The following SLIT2 variants were observed in gnomAD, a reference collection of about 807,000 sequenced individuals.
SLIT2 encodes slit guidance ligand 2.
Under a neutral mutation model 185.7 loss-of-function variants are expected in SLIT2, and 41 were observed. The observed-to-expected ratio is 0.22, with a 90% CI of 0.17 to 0.29. The LOEUF is 0.29. Among genes scored for constraint, SLIT2 ranks in the 10% least tolerant of loss-of-function variants. The pLI is 1.00. For missense variants in SLIT2, 1,571 were observed against 1,909.0 expected (o/e 0.82, Z 3.30); for synonymous variants, 693 against 680.2 (o/e 1.02, Z -0.29).
At chr4:20,511,287 C>T (rs2148826010) in intron 11 of SLIT2, 150 bp downstream of exon 11, 1 of 523,678 alleles carries the variant, frequency 1.9e-6, no homozygotes, top group East Asian at 2.9e-5. Context: ...ACTTCTGGGT[C>T]CCATTATTTT....
At chr4:20,340,816 T>C (rs2109230954) in intron 4 of SLIT2, among the ~76,000 whole-genome samples, 1 of 152,286 alleles carries the variant, frequency 6.6e-6, no homozygotes, top group African/African-American at 2.4e-5. Context: ...TTAGCCAGGA[T>C]GGTCTTGATC....
intron 21 of SLIT2, among the ~76,000 whole-genome samples, chr4:20,543,139 TA>T (rs1160779267): frequency 2.0e-5 from 3 of 151,864 alleles, no homozygotes; most frequent in Admixed American, 1.3e-4. Flanking sequence ...AACTATCTGG[TA>T]TATGGAAGAA....
chr4:20,437,326 G>A, intron 4 of SLIT2, among the ~76,000 whole-genome samples: 1 of 152,092 alleles, frequency 6.6e-6, no homozygotes, highest in Non-Finnish European at 1.5e-5. Flanking sequence ...CAAAAAACTA[G>A]GAGTCAGGTC....
At chr4:20,332,203 C>T (rs1462213275) in intron 4 of SLIT2, among the ~76,000 whole-genome samples, 7 of 152,178 alleles carry the variant, frequency 4.6e-5, no homozygotes, top group Non-Finnish European at 7.4e-5. Context: ...TGTACACACA[C>T]ATACACACAC....
rs1413529212 is a variant in SLIT2, at chr4:20,472,505, T to TAG, written c.467+4683_467+4684insGA. On this transcript the variant is annotated intron_variant, in intron 5 of 36. Coordinates refer to ENST00000504154, the MANE Select transcript of SLIT2 (RefSeq NM_004787.4). ...ATATCTATATATAGATATATATCTA[T>TAG]ATATAGATAGATATATATCTATATA... Among the ~76,000 whole-genome samples the TAG allele has an allele frequency of 7.1e-5, 2 of 28,120 alleles. 1 individual carries two copies. The highest frequency in any genetic ancestry group is 1.0e-4 in the Non-Finnish European group (2 of 19,182). The allele number at this position is 28,120 out of a possible 152,430, so 18.4% of individuals were successfully genotyped here.
At chr4:20,521,741 G>A (rs900332924) in intron 12 of SLIT2, among the ~76,000 whole-genome samples, 1 of 152,022 alleles carries the variant, frequency 6.6e-6, no homozygotes, top group African/African-American at 2.4e-5. Flanking sequence ...GAATCAAAGA[G>A]CACAGCCAAT....
intron 33 of SLIT2, among the ~76,000 whole-genome samples, chr4:20,599,042 G>T (rs539550043): frequency 6.6e-6 from 1 of 152,112 alleles, no homozygotes; most frequent in African/African-American, 2.4e-5. Flanking sequence ...TACCTCAGAG[G>T]TTTATTGAGC....
intron 5 of SLIT2, among the ~76,000 whole-genome samples, chr4:20,474,335 G>A (rs1715874525): frequency 6.6e-6 from 1 of 151,972 alleles, no homozygotes; most frequent in Non-Finnish European, 1.5e-5. Context: ...TCTGTATTTT[G>A]CTTGGTTGCA....
Position 20,523,844 on chromosome 4 carries a change from C to T in SLIT2, c.1215C>T (p.Asp405=). Residue 405 remains aspartate, a synonymous_variant, in exon 13 of 37, where the codon GAC becomes GAT. Transcript: ENST00000504154. ...ACTTGAACCTTCTCTCCCTATATGA[C>T]AACAAGCTTCAGACCATCGCCAAGG... The part of the protein sequence containing the change: ...LHNLNLLSLY[D]NKLQTIAKGT... 6.2e-7 allele frequency: 1 copy of T among 1,613,980 alleles called. No individual in the cohort carries two copies. Among genetic ancestry groups the T allele is most frequent in the African/African-American group, 1.3e-5 (1 of 75,060 alleles).
intron 18 of SLIT2, among the ~76,000 whole-genome samples, chr4:20,538,827 C>T (rs1286257781): frequency 1.2e-4 from 17 of 144,848 alleles, no homozygotes; most frequent in Non-Finnish European, 1.5e-5. Flanking sequence ...CCTTTTAAAA[C>T]TTTATTGTGG....
chr4:20,590,062 C>T (rs1024789148), intron 30 of SLIT2, among the ~76,000 whole-genome samples: 6 of 151,876 alleles, frequency 4.0e-5, no homozygotes, highest in Admixed American at 2.6e-4. Flanking sequence ...CCCGCCACCA[C>T]GCCTGGCTAA....
In SLIT2 at chr4:20,486,303, T is replaced by A. The variant is rs551674265; in HGVS notation, c.611+32T>A. The A allele has an allele frequency of 1.2e-4, 143 of 1,207,014 alleles. 1 individual carries two copies. The South Asian group carries it at 1.6e-3, about 14-fold the overall frequency. The allele number at this position is 1,207,014 out of a possible 1,614,324, so 74.8% of individuals were successfully genotyped here. A position where few individuals can be genotyped will look rare whatever the true frequency, so the allele number is the denominator to read the frequency against. On this transcript the variant is annotated intron_variant, in intron 7 of 36. Coordinates refer to ENST00000504154, the MANE Select transcript of SLIT2 (RefSeq NM_004787.4). ...AGTCACAATATATGTAAAAGTCATATTAATCAATTAAAGCTTCCCCTTAAA... is the reference window on the plus strand; with the variant it reads ...AGTCACAATATATGTAAAAGTCATAATAATCAATTAAAGCTTCCCCTTAAA...
intron 8 of SLIT2, among the ~76,000 whole-genome samples, chr4:20,490,161 C>G (rs1717649536): frequency 6.6e-6 from 1 of 152,118 alleles, no homozygotes; most frequent in African/African-American, 2.4e-5. Flanking sequence ...CAATCAATAG[C>G]TAACGTTTAC....
chr4:20,363,307 C>CA (rs1283565993), intron 4 of SLIT2, among the ~76,000 whole-genome samples: 2 of 151,936 alleles, frequency 1.3e-5, no homozygotes, highest in Non-Finnish European at 2.9e-5. Flanking sequence ...ATTTTGAAAA[C>CA]AAAATACAAA....
At chr4:20,470,528 GTGTGTA>G (rs1290243911) in intron 5 of SLIT2, among the ~76,000 whole-genome samples, 3 of 131,914 alleles carry the variant, frequency 2.3e-5, no homozygotes, top group Non-Finnish European at 5.1e-5. Context: ...GTGTGTGTGT[GTGTGTA>G]ATGTAAGGGA....
chr4:20,336,924 T>C (rs1720554012), intron 4 of SLIT2, among the ~76,000 whole-genome samples: 1 of 152,216 alleles, frequency 6.6e-6, no homozygotes, highest in South Asian at 2.1e-4. Flanking sequence ...TAAACATTTT[T>C]AGTGCCTGAT....
chr4:20,287,917 A>G (rs1715427752), intron 4 of SLIT2, among the ~76,000 whole-genome samples: 1 of 152,172 alleles, frequency 6.6e-6, no homozygotes, highest in Non-Finnish European at 1.5e-5. Flanking sequence ...TTGATGTTTA[A>G]GTTTTATAAA....
chr4:20,316,844 G>C (rs1175202638), intron 4 of SLIT2, among the ~76,000 whole-genome samples: 1 of 148,184 alleles, frequency 6.7e-6, no homozygotes, highest in East Asian at 2.0e-4. Context: ...TAATCTCCAG[G>C]GATTCTTCCT....
At chr4:20,384,569 C>T (rs1343850389) in intron 4 of SLIT2, among the ~76,000 whole-genome samples, 1 of 152,104 alleles carries the variant, frequency 6.6e-6, no homozygotes, top group Non-Finnish European at 1.5e-5. Flanking sequence ...ATTATACTGA[C>T]AGTTGTGTCA....
Sources: allele counts gnomAD v4.1 joint callset (sites outside exome capture counted in the v4.1 genomes callset), GRCh38; gene constraint gnomAD v4.1.1; transcripts MANE v1.5; gene names NCBI Gene and HGNC (gene_info 2026-07-23, HGNC 2026-07-21).